Variants in MTREX observed in about 807,000 individuals in gnomAD.
MTREX encodes exosome RNA helicase MTR4.
A neutral mutation model predicts 135.4 loss-of-function variants in MTREX; 76 were observed. The observed-to-expected ratio is 0.56, with a 90% CI of 0.47 to 0.68. MTREX has a LOEUF of 0.68. Among genes scored for constraint, MTREX ranks in the 30% least tolerant of loss-of-function variants. The pLI, the probability that MTREX is intolerant of heterozygous loss-of-function variation, is 0.00. For synonymous variants in MTREX, 404 were observed against 401.6 expected (o/e 1.01, Z -0.07); for missense variants, 920 against 1,262.1 (o/e 0.73, Z 4.11).
chr5:55,323,906 T>G (rs1267013430), intron 2 of MTREX, among the ~76,000 whole-genome samples: 1 of 152,236 alleles, frequency 6.6e-6, no homozygotes, highest in Non-Finnish European at 1.5e-5. Context: ...CTCGGCAGTC[T>G]GTTCTGTATC....
intron 1 of MTREX, among the ~76,000 whole-genome samples, chr5:55,309,915 G>T (rs780278169): frequency 6.6e-6 from 1 of 152,096 alleles, no homozygotes; most frequent in East Asian, 1.9e-4. Flanking sequence ...TAGTCTACTC[G>T]CATTAAGTTG....
intron 9 of MTREX, 141 bp downstream of exon 9, chr5:55,344,761 AT>A (rs1386861990): frequency 3.5e-6 from 2 of 579,306 alleles, no homozygotes; most frequent in Non-Finnish European, 3.0e-6. Context: ...ATCGATCTTG[AT>A]TTTTTTGTGT....
At chr5:55,342,636 C>T (rs926530953) in intron 7 of MTREX, among the ~76,000 whole-genome samples, 5 of 152,138 alleles carry the variant, frequency 3.3e-5, no homozygotes, top group African/African-American at 9.7e-5. Flanking sequence ...AATATGTACA[C>T]GCTTAAAATA....
intron 1 of MTREX, among the ~76,000 whole-genome samples, chr5:55,314,268 A>G (rs1749163661): frequency 2.0e-5 from 3 of 152,186 alleles, no homozygotes; most frequent in East Asian, 3.9e-4. Flanking sequence ...TGTGGTAGCA[A>G]TGACAGTCCC....
chr5:55,318,232 A>C (rs1749230380), intron 1 of MTREX, among the ~76,000 whole-genome samples: 1 of 152,196 alleles, frequency 6.6e-6, no homozygotes, highest in Admixed American at 6.5e-5. Flanking sequence ...AGAGCTAAAA[A>C]CAGATATACC....
intron 1 of MTREX, among the ~76,000 whole-genome samples, chr5:55,318,436 G>A (rs1749233978): frequency 6.6e-6 from 1 of 152,194 alleles, no homozygotes; most frequent in East Asian, 1.9e-4. Context: ...ATATTATGCA[G>A]CCGTGAAAAA....
intron 5 of MTREX, among the ~76,000 whole-genome samples, chr5:55,336,854 A>G (rs768492878): frequency 5.3e-5 from 8 of 152,364 alleles, no homozygotes; most frequent in Admixed American, 2.0e-4. Context: ...CTTTTGTGTC[A>G]TCATGAGGAA....
intron 5 of MTREX, among the ~76,000 whole-genome samples, chr5:55,339,346 C>G (rs996496328): frequency 6.6e-6 from 1 of 152,134 alleles, no homozygotes; most frequent in Admixed American, 6.5e-5. Context: ...GCTTATTTCA[C>G]TGGCTGGGAT....
chr5:55,421,173 G>A (rs952477956), intron 25 of MTREX, among the ~76,000 whole-genome samples: 1 of 152,228 alleles, frequency 6.6e-6, no homozygotes, highest in African/African-American at 2.4e-5. Context: ...TAGTCAGGCT[G>A]ATGAGGCAGG....
At chr5:55,319,769 A>G (rs936636246) in intron 1 of MTREX, among the ~76,000 whole-genome samples, 2 of 152,186 alleles carry the variant, frequency 1.3e-5, no homozygotes, top group African/African-American at 2.4e-5. Flanking sequence ...TTAGAGTCCT[A>G]AAAGTCTGAC....
At chr5:55,378,135 GA>G (rs1201180231) in intron 16 of MTREX, among the ~76,000 whole-genome samples, 178 bp from the exon 17 acceptor site, 2 of 152,168 alleles carry the variant, frequency 1.3e-5, no homozygotes, top group Non-Finnish European at 2.9e-5. Flanking sequence ...AAAGGCACAA[GA>G]GGACAGGGTT....
chr5:55,308,244 A>G (rs958888885), intron 1 of MTREX, 97 bp downstream of exon 1: 3 of 1,400,964 alleles, frequency 2.1e-6, no homozygotes, highest in Non-Finnish European at 2.9e-6. Context: ...AGTGAAGTGT[A>G]CATTGAGTGG....
intron 5 of MTREX, among the ~76,000 whole-genome samples, chr5:55,333,956 A>G (rs1400435915): frequency 6.6e-6 from 1 of 152,146 alleles, no homozygotes; most frequent in Non-Finnish European, 1.5e-5. Context: ...TCAGTGGATG[A>G]TGAATGGATA....
At chr5:55,372,891 A>AGTGT (rs1561200642) in intron 16 of MTREX, among the ~76,000 whole-genome samples, 3 of 90,596 alleles carry the variant, frequency 3.3e-5, no homozygotes, top group Non-Finnish European at 4.5e-5. Flanking sequence ...TTAAAACTGT[A>AGTGT]ATGTGTGTGT....
intron 25 of MTREX, among the ~76,000 whole-genome samples, chr5:55,418,832 G>A (rs1180011923): frequency 6.6e-6 from 1 of 151,644 alleles, no homozygotes; most frequent in African/African-American, 2.4e-5. Context: ...TCCTCATCTC[G>A]TTATTGTATG....
At chr5:55,343,530 C>A in intron 8 of MTREX, 75 bp downstream of exon 8, 1 of 1,298,134 alleles carries the variant, frequency 7.7e-7, no homozygotes, top group Non-Finnish European at 1.1e-6. Flanking sequence ...TCTCCCTTTG[C>A]TTTTCTCCTG....
At position 55,349,586 on chromosome 5, in the gene MTREX, G is replaced by T. The variant is rs759947973; in HGVS notation, c.1254G>T (p.Lys418Asn). ...ATTTTCTCCTAGATGAAGAAAAGAA[G>T]ATGGTTGAAGAAGTATTCAGTAATG... Reference protein sequence around the residue: ...KLDFNTDEEKKMVEEVFSNAI... With the variant: ...KLDFNTDEEKNMVEEVFSNAI... Residue 418 changes from lysine (K) to asparagine (N), a missense_variant, in exon 12 of 27, where the codon AAG becomes AAT. Lys to Asn is a moderately conservative substitution (Grantham distance 94). Transcript: ENST00000230640. 6.3e-7 allele frequency: 1 copy of T among 1,591,388 alleles called. No homozygotes were observed. The highest frequency in any genetic ancestry group is 1.1e-5 in the South Asian group (1 of 90,256).
At chr5:55,362,584 C>G (rs763213262) in intron 15 of MTREX, among the ~76,000 whole-genome samples, 1 of 151,880 alleles carries the variant, frequency 6.6e-6, no homozygotes, top group Non-Finnish European at 1.5e-5. Context: ...TGGTCTTGAA[C>G]TCCTGACCTC....
intron 13 of MTREX, among the ~76,000 whole-genome samples, 167 bp downstream of exon 13, chr5:55,351,196 T>C (rs915187961): frequency 1.3e-5 from 2 of 152,184 alleles, no homozygotes; most frequent in Non-Finnish European, 2.9e-5. Flanking sequence ...TAAATAAATC[T>C]TGAAGTGTAG....
Sources: allele counts gnomAD v4.1 joint callset (sites outside exome capture counted in the v4.1 genomes callset), GRCh38; gene constraint gnomAD v4.1.1; transcripts MANE v1.5; gene names NCBI Gene and HGNC (gene_info 2026-07-23, HGNC 2026-07-21).